Variants in GRID2 observed in about 807,000 individuals in gnomAD.
GRID2 encodes glutamate ionotropic receptor delta type subunit 2, also known as glutamate receptor ionotropic, delta-2.
GRID2 carries 33 observed loss-of-function variants against 114.8 expected under a neutral mutation model. That is an observed-to-expected ratio of 0.29 (90% CI 0.22 to 0.38). The LOEUF is 0.38. Among genes scored for constraint, GRID2 ranks in the 10% least tolerant of loss-of-function variants. The pLI is 1.00. For missense variants in GRID2, 1,184 were observed against 1,257.7 expected, an observed-to-expected ratio of 0.94 and a Z score of 0.89; for synonymous variants, 505 against 449.9, an observed-to-expected ratio of 1.12 and a Z score of -1.55.
chr4:93,244,989 C>G (rs1748039636), intron 8 of GRID2, among the ~76,000 whole-genome samples: 1 of 151,774 alleles, frequency 6.6e-6, no homozygotes, highest in Admixed American at 6.6e-5. Flanking sequence ...TGTCATAGTT[C>G]TAACAATGAA....
Position 93,216,746 on chromosome 4 carries a change from C to A in GRID2, c.798C>A (p.Asn266Lys). 6.2e-7 allele frequency: 1 copy of A among 1,602,828 alleles called. No individual in the cohort carries two copies. Among genetic ancestry groups the A allele is most frequent in the South Asian group, 1.1e-5 (1 of 90,712 alleles). Residue 266 changes from asparagine to lysine, a missense_variant, in exon 6 of 16, where the codon AAC becomes AAA. Transcript: ENST00000282020. The stretch of plus-strand genomic sequence containing the variant: ...CACCTCTTATCTTATAGGAAATAAA[C>A]GATGTGGACGTACAGGAACTTGTAA... ...CHWIIINEEINDVDVQELVRR... is the reference protein window; with the variant it reads ...CHWIIINEEIKDVDVQELVRR...
chr4:93,617,925 C>A (rs1373426199), intron 13 of GRID2, among the ~76,000 whole-genome samples: 1 of 152,158 alleles, frequency 6.6e-6, no homozygotes, highest in Admixed American at 6.5e-5. Flanking sequence ...CCATCTGCTA[C>A]AAAAACAGTG....
chr4:92,445,313 A>G (rs1472176319), intron 1 of GRID2, among the ~76,000 whole-genome samples: 1 of 152,188 alleles, frequency 6.6e-6, no homozygotes, highest in Non-Finnish European at 1.5e-5. Flanking sequence ...ATTGAGATGC[A>G]TCATTCCTGA....
At chr4:92,561,125 T>C (rs1157333093) in intron 1 of GRID2, among the ~76,000 whole-genome samples, 1 of 152,218 alleles carries the variant, frequency 6.6e-6, no homozygotes, top group South Asian at 2.1e-4. Context: ...TCCCAAAATA[T>C]CTTTCTAATA....
At chr4:93,448,683 A>G (rs1173135150) in intron 10 of GRID2, among the ~76,000 whole-genome samples, 1 of 152,084 alleles carries the variant, frequency 6.6e-6, no homozygotes, top group Non-Finnish European at 1.5e-5. Context: ...ACTGTAGAAA[A>G]GAGAAAAAGA....
intron 2 of GRID2, among the ~76,000 whole-genome samples, chr4:92,892,134 G>A (rs1266096005): frequency 6.6e-6 from 1 of 151,852 alleles, no homozygotes; most frequent in Non-Finnish European, 1.5e-5. Flanking sequence ...CACGATCTTG[G>A]CTCACTGCAA....
At chr4:93,468,673 A>G (rs983074317) in intron 11 of GRID2, among the ~76,000 whole-genome samples, 3 of 152,096 alleles carry the variant, frequency 2.0e-5, no homozygotes, top group African/African-American at 7.2e-5. Flanking sequence ...ATGAGTTCAG[A>G]TGAGATTGAC....
At chr4:93,435,051 CTA>C (rs2149384785) in intron 10 of GRID2, among the ~76,000 whole-genome samples, 1 of 152,110 alleles carries the variant, frequency 6.6e-6, no homozygotes, top group Non-Finnish European at 1.5e-5. Context: ...TTTGTACTAC[CTA>C]TCTCTCTTAT....
intron 1 of GRID2, among the ~76,000 whole-genome samples, chr4:92,502,459 A>C (rs1471755451): frequency 2.6e-5 from 4 of 152,084 alleles, no homozygotes; most frequent in African/African-American, 9.7e-5. Flanking sequence ...TTGATGTTTC[A>C]AGGTAGTTTG....
chr4:93,473,270 A>G (rs1169259722), intron 11 of GRID2, among the ~76,000 whole-genome samples: 3 of 152,164 alleles, frequency 2.0e-5, no homozygotes, highest in Non-Finnish European at 1.5e-5. Flanking sequence ...TTCTGAAGAA[A>G]TTATCCTAGA....
intron 2 of GRID2, among the ~76,000 whole-genome samples, chr4:92,613,052 T>C (rs1560489272): frequency 6.6e-6 from 1 of 151,438 alleles, no homozygotes; most frequent in Non-Finnish European, 1.5e-5. Flanking sequence ...TGATGTTAGC[T>C]GTATATTTTC....
intron 2 of GRID2, among the ~76,000 whole-genome samples, chr4:92,743,846 G>A (rs1271477103): frequency 1.3e-5 from 2 of 152,256 alleles, no homozygotes; most frequent in African/African-American, 2.4e-5. Context: ...AAGTCTCAAC[G>A]AAATTGAGTG....
intron 8 of GRID2, among the ~76,000 whole-genome samples, chr4:93,291,057 T>G (rs560377900): frequency 6.6e-6 from 1 of 152,108 alleles, no homozygotes; most frequent in African/African-American, 2.4e-5. Flanking sequence ...TTTTGTATTT[T>G]TAGTAGATAC....
intron 1 of GRID2, among the ~76,000 whole-genome samples, chr4:92,411,329 A>G (rs998177273): frequency 2.6e-5 from 4 of 151,944 alleles, no homozygotes; most frequent in African/African-American, 9.7e-5. Flanking sequence ...TGACTATATT[A>G]TTTGCTTCAT....
chr4:93,791,296 C>T (rs1160757000), intron 1 of GRID2, among the ~76,000 whole-genome samples: 1 of 152,136 alleles, frequency 6.6e-6, no homozygotes, highest in Non-Finnish European at 1.5e-5. Flanking sequence ...TGCACCACCT[C>T]GTGTCAGGGC....
chr4:93,422,651 G>A (rs545633715), intron 9 of GRID2, 120 bp from the exon 10 acceptor site: 4 of 642,228 alleles, frequency 6.2e-6, no homozygotes, highest in Non-Finnish European at 1.1e-5. Context: ...ATATTCCTGA[G>A]TTGATTCTTT....
chr4:92,831,821 C>G (rs1472517399), intron 2 of GRID2, among the ~76,000 whole-genome samples: 7 of 151,918 alleles, frequency 4.6e-5, no homozygotes, highest in African/African-American at 1.7e-4. Context: ...GATCACGCCA[C>G]TATACTCTAG....
chr4:92,619,144 C>A (rs894730194), intron 2 of GRID2, among the ~76,000 whole-genome samples: 1 of 151,446 alleles, frequency 6.6e-6, no homozygotes, highest in African/African-American at 2.4e-5. Flanking sequence ...CTTGTGTTTA[C>A]GTAGTATGAG....
intron 2 of GRID2, among the ~76,000 whole-genome samples, chr4:93,036,737 A>G (rs1459676351): frequency 6.6e-6 from 1 of 152,116 alleles, no homozygotes; most frequent in Non-Finnish European, 1.5e-5. Flanking sequence ...TTCCCATACT[A>G]TCAGGGAATG....
Sources: gnomAD v4.1 joint callset for allele counts (sites outside exome capture counted in the v4.1 genomes callset) on GRCh38, gnomAD v4.1.1 for gene constraint, MANE v1.5 for transcripts, NCBI Gene and HGNC (gene_info 2026-07-23, HGNC 2026-07-21) for gene names.